FAM110B: variants seen among roughly 807,000 people sequenced by gnomAD.
The protein encoded by FAM110B is family with sequence similarity 110 member B, also known as protein FAM110B.
A neutral mutation model predicts 20.4 loss-of-function variants in FAM110B; 6 were observed. The observed-to-expected ratio is 0.29, with a 90% CI of 0.16 to 0.58. FAM110B has a LOEUF of 0.58. FAM110B is among the 20% of genes least tolerant of loss of function. FAM110B has a pLI of 0.90. For missense variants in FAM110B, 434 were observed against 498.2 expected (o/e 0.87, Z 1.23); for synonymous variants, 226 against 214.1 (o/e 1.06, Z -0.49).
At chr8:58,133,313 A>T (rs1392058403) in intron 3 of FAM110B, among the ~76,000 whole-genome samples, 1 of 149,160 alleles carries the variant, frequency 6.7e-6, no homozygotes, top group Non-Finnish European at 1.5e-5. Flanking sequence ...GTATTCTTTT[A>T]TCTTGGGGCA....
intron 3 of FAM110B, among the ~76,000 whole-genome samples, chr8:58,114,914 A>T (rs1807161533): frequency 6.6e-6 from 1 of 152,132 alleles, no homozygotes. Flanking sequence ...TTGCCCTCTG[A>T]TGAAGGGCAG....
At chr8:58,031,287 G>A (rs945272163) in intron 1 of FAM110B, 89 of 152,224 alleles carry the variant, frequency 5.8e-4, no homozygotes, top group African/African-American at 2.1e-3. Context: ...GTTAGAAGGA[G>A]TGACATGTCC....
intron 1 of FAM110B, among the ~76,000 whole-genome samples, chr8:58,017,747 A>G (rs761363130): frequency 2.0e-5 from 3 of 152,358 alleles, no homozygotes; most frequent in Non-Finnish European, 2.9e-5. Context: ...ACACAATTGG[A>G]TTTTTGATAT....
In FAM110B at chr8:58,146,059, C is replaced by G; in HGVS notation, c.-172C>G. The stretch of plus-strand genomic sequence containing the variant: ...AGGGGAGAAAAGTGTATGAAAGCCA[C>G]CGTGGCGGTTAATGAGCTGTGAGAT... On this transcript the variant is annotated 5_prime_UTR_variant, in exon 4 of 4. Coordinates refer to ENST00000519262, the MANE Select transcript of FAM110B (RefSeq NM_001377989.1). 1 of 699,830 alleles carries G rather than the reference C, an allele frequency of 1.4e-6. No homozygotes were observed. The highest frequency in any genetic ancestry group is 2.2e-5 in the South Asian group (1 of 44,848). The allele number at this position is 699,830 out of a possible 1,614,324, so 43.4% of individuals were successfully genotyped here.
At chr8:58,100,543 T>C (rs1477154411) in intron 3 of FAM110B, among the ~76,000 whole-genome samples, 1 of 152,242 alleles carries the variant, frequency 6.6e-6, no homozygotes, top group African/African-American at 2.4e-5. Context: ...AGGGAGAATC[T>C]GTTCCATGCC....
At chr8:58,023,754 A>T (rs1804801338) in intron 1 of FAM110B, among the ~76,000 whole-genome samples, 1 of 152,194 alleles carries the variant, frequency 6.6e-6, no homozygotes, top group Non-Finnish European at 1.5e-5. Flanking sequence ...ATTGACTCAA[A>T]ATCATTGAAA....
chr8:58,001,840 C>A (rs956608165), intron 1 of FAM110B, among the ~76,000 whole-genome samples: 5 of 152,034 alleles, frequency 3.3e-5, no homozygotes, highest in African/African-American at 9.7e-5. Context: ...ACCAGAGAAC[C>A]AGAACCAATA....
chr8:58,047,518 ATC>A (rs2150579213), intron 2 of FAM110B, among the ~76,000 whole-genome samples: 1 of 151,370 alleles, frequency 6.6e-6, no homozygotes, highest in South Asian at 2.1e-4. Flanking sequence ...CCTGAACTAC[ATC>A]TGGGGTGTAG....
At chr8:58,020,742 G>A (rs1804734398) in intron 1 of FAM110B, among the ~76,000 whole-genome samples, 1 of 152,212 alleles carries the variant, frequency 6.6e-6, no homozygotes, top group Non-Finnish European at 1.5e-5. Flanking sequence ...CTGGGGGAAG[G>A]TGGTGGTAGA....
At chr8:58,102,567 T>G (rs1050465103) in intron 3 of FAM110B, among the ~76,000 whole-genome samples, 2 of 152,190 alleles carry the variant, frequency 1.3e-5, no homozygotes, top group Non-Finnish European at 2.9e-5. Flanking sequence ...GGATTACTGG[T>G]ATGTCTATTG....
At chr8:58,144,290 TC>T (rs1378359168) in intron 3 of FAM110B, among the ~76,000 whole-genome samples, 19 of 152,306 alleles carry the variant, frequency 1.2e-4, no homozygotes, top group African/African-American at 4.3e-4. Context: ...CTGAGTCTCT[TC>T]TGTAAAGAGG....
chr8:58,019,425 A>C (rs1371787955), intron 1 of FAM110B, among the ~76,000 whole-genome samples: 2 of 151,828 alleles, frequency 1.3e-5, no homozygotes, highest in Non-Finnish European at 2.9e-5. Context: ...ATAAATCCAC[A>C]CATTTGCCAT....
intron 3 of FAM110B, chr8:58,091,622 A>G (rs577947862): frequency 2.6e-5 from 4 of 152,274 alleles, no homozygotes; most frequent in African/African-American, 9.6e-5. Context: ...GGTCACTGGC[A>G]GACTGAAGAA....
chr8:58,066,044 T>C (rs1006046080), intron 2 of FAM110B, among the ~76,000 whole-genome samples: 1 of 152,186 alleles, frequency 6.6e-6, no homozygotes, highest in Non-Finnish European at 1.5e-5. Flanking sequence ...AACCATGTTC[T>C]GGCCCCAGCA....
At chr8:58,144,854 T>C (rs4738648) in intron 3 of FAM110B, among the ~76,000 whole-genome samples, 53,631 of 151,954 alleles carry the variant, frequency 0.35, 9,801 homozygotes, top group Non-Finnish European at 0.41. Flanking sequence ...TTATATGGCA[T>C]ATGAAATAAA....
chr8:58,126,687 A>G (rs529234416), intron 3 of FAM110B, among the ~76,000 whole-genome samples: 2 of 151,974 alleles, frequency 1.3e-5, no homozygotes, highest in African/African-American at 2.4e-5. Flanking sequence ...TCATATGTCT[A>G]TTTGCCCTTT....
At chr8:58,127,936 C>A (rs1346964391) in intron 3 of FAM110B, among the ~76,000 whole-genome samples, 1 of 152,174 alleles carries the variant, frequency 6.6e-6, no homozygotes, top group South Asian at 2.1e-4. Context: ...TTTGGAGATT[C>A]TCTTTTAATC....
rs139988913 is a variant in FAM110B, at chr8:58,069,853, A to T, written c.-413-5682A>T. On this transcript the variant is annotated intron_variant, in intron 2 of 3. Coordinates refer to ENST00000519262, the MANE Select transcript of FAM110B (RefSeq NM_001377989.1). The stretch of plus-strand genomic sequence containing the variant: ...GAATCTGATAAGCTTAAGTAAGCCG[A>T]TAGTGCTATACATTGATTTAACCAC... Among the ~76,000 whole-genome samples, 374 of 152,326 alleles carry T rather than the reference A, an allele frequency of 2.5e-3. 1 individual carries two copies. Among genetic ancestry groups the T allele is most frequent in the East Asian group, 9.8e-3 (51 of 5,182 alleles).
At chr8:58,015,733 T>G (rs1804624494) in intron 1 of FAM110B, among the ~76,000 whole-genome samples, 1 of 151,326 alleles carries the variant, frequency 6.6e-6, no homozygotes, top group Non-Finnish European at 1.5e-5. Flanking sequence ...TAATCTCAGC[T>G]ACTCAGGAGG....
Sources: allele counts gnomAD v4.1 joint callset (sites outside exome capture counted in the v4.1 genomes callset), GRCh38; gene constraint gnomAD v4.1.1; transcripts MANE v1.5; gene names NCBI Gene and HGNC (gene_info 2026-07-23, HGNC 2026-07-21).